Variants in NR5A2 observed in about 807,000 individuals in gnomAD.
NR5A2 encodes CYP7A promoter-binding factor.
Under a neutral mutation model 62.7 loss-of-function variants are expected in NR5A2, and 26 were observed. The observed-to-expected ratio is 0.41, with a 90% CI of 0.30 to 0.58. The LOEUF (loss-of-function observed/expected upper bound fraction) is 0.58. Among genes scored for constraint, NR5A2 ranks in the 20% least tolerant of loss-of-function variants. The probability of loss-of-function intolerance (pLI) is 0.22; values close to 1 mark genes in which losing one functional copy is unlikely to be tolerated. For missense variants in NR5A2, 541 were observed against 669.1 expected (o/e 0.81, Z 2.11); for synonymous variants, 246 against 241.7 (o/e 1.02, Z -0.16).
chr1:200,135,414 G>A (rs562448414), intron 7 of NR5A2, among the ~76,000 whole-genome samples: 2 of 151,982 alleles, frequency 1.3e-5, no homozygotes, highest in African/African-American at 2.4e-5. Context: ...CCAACTACCC[G>A]GGAGGCTGAG....
chr1:200,117,872 C>A (rs1431499109), intron 6 of NR5A2, among the ~76,000 whole-genome samples: 1 of 151,908 alleles, frequency 6.6e-6, no homozygotes, highest in Non-Finnish European at 1.5e-5. Context: ...TGCCACCACG[C>A]CTGGCTAATT....
chr1:200,069,795 C>T (rs1214285074), intron 5 of NR5A2, among the ~76,000 whole-genome samples: 2 of 151,880 alleles, frequency 1.3e-5, no homozygotes, highest in African/African-American at 4.8e-5. Flanking sequence ...CCCTTCATGC[C>T]AAAGTAAAAA....
At chr1:200,036,952 T>C (rs985807081) in intron 1 of NR5A2, among the ~76,000 whole-genome samples, 3 of 152,150 alleles carry the variant, frequency 2.0e-5, no homozygotes, top group Admixed American at 6.5e-5. Context: ...TAAAACCCAG[T>C]CCCCAGCCAC....
intron 5 of NR5A2, among the ~76,000 whole-genome samples, chr1:200,060,173 T>G (rs1305515586): frequency 6.6e-6 from 1 of 152,182 alleles, no homozygotes; most frequent in Non-Finnish European, 1.5e-5. Context: ...AATTCGCTTT[T>G]TCTTTTCTTA....
intron 5 of NR5A2, among the ~76,000 whole-genome samples, chr1:200,085,674 AAAAG>A (rs1333774783): frequency 8.4e-5 from 9 of 107,290 alleles, no homozygotes; most frequent in East Asian, 5.1e-4. Context: ...AAAAAAAAAA[AAAAG>A]AAAAGAAAGA....
chr1:200,080,706 A>G (rs1202162948), intron 5 of NR5A2, among the ~76,000 whole-genome samples: 1 of 152,250 alleles, frequency 6.6e-6, no homozygotes, highest in African/African-American at 2.4e-5. Flanking sequence ...CACCTGGAGA[A>G]ACTTTCCATT....
chr1:200,128,744 A>G (rs1666839783), intron 7 of NR5A2, among the ~76,000 whole-genome samples: 1 of 152,154 alleles, frequency 6.6e-6, no homozygotes, highest in African/African-American at 2.4e-5. Flanking sequence ...GTAAGTTTGT[A>G]CATTCTGTTT....
At chr1:200,043,081 C>G (rs979881204) in intron 2 of NR5A2, 1 of 809,440 alleles carries the variant, frequency 1.2e-6, no homozygotes, top group Non-Finnish European at 1.5e-6. Flanking sequence ...TTTCCCCGTA[C>G]GGGCGTCCTC....
chr1:200,056,934 C>A (rs1662940671), intron 5 of NR5A2, among the ~76,000 whole-genome samples: 1 of 152,190 alleles, frequency 6.6e-6, no homozygotes, highest in African/African-American at 2.4e-5. Flanking sequence ...CTGACTGCCT[C>A]ATTCTGTGTC....
intron 7 of NR5A2, among the ~76,000 whole-genome samples, chr1:200,161,032 T>C (rs962005555): frequency 5.9e-5 from 9 of 151,944 alleles, no homozygotes; most frequent in African/African-American, 1.7e-4. Flanking sequence ...GGCTGCTCTT[T>C]ACGAATGTGG....
intron 7 of NR5A2, among the ~76,000 whole-genome samples, chr1:200,138,169 A>C (rs1667306886): frequency 6.6e-6 from 1 of 152,198 alleles, no homozygotes; most frequent in South Asian, 2.1e-4. Context: ...ATGTTAAAAG[A>C]ACATTTTTCT....
Position 200,133,588 on chromosome 1 carries a change from CATATATAT to C in NR5A2, c.1378+12639_1378+12646del, listed in dbSNP as rs199503955. 2.5e-3 allele frequency among the ~76,000 whole-genome samples: 311 copies of C among 123,640 alleles called. 1 individual carries two copies. The highest frequency in any genetic ancestry group is 9.2e-3 in the African/African-American group (302 of 32,768). The allele number at this position is 123,640 out of a possible 152,430, so 81.1% of individuals were successfully genotyped here. Reference sequence around the variant, plus strand: ...ATATATATATACACATATATATACACATATATATATATACACATATATACACACACACA... The same window carrying C: ...ATATATATATACACATATATATACACATATACACATATATACACACACACA... On this transcript the variant is annotated intron_variant, in intron 7 of 7. Coordinates refer to ENST00000367362, the MANE Select transcript of NR5A2 (RefSeq NM_205860.3).
At chr1:200,104,061 C>T (rs1238664138) in intron 5 of NR5A2, among the ~76,000 whole-genome samples, 1 of 152,080 alleles carries the variant, frequency 6.6e-6, no homozygotes, top group Non-Finnish European at 1.5e-5. Context: ...GTCCTTTGTG[C>T]TGCATTGGAG....
rs149148173 is a variant in NR5A2 at position 200,039,541 on chromosome 1, G to A, written c.65-117G>A. The A allele has an allele frequency of 4.1e-6, 6 of 1,476,062 alleles. No homozygotes were observed. Among genetic ancestry groups the A allele is most frequent in the Non-Finnish European group, 5.6e-6 (6 of 1,077,760 alleles). The allele number at this position is 1,476,062 out of a possible 1,614,324, so 91.4% of individuals were successfully genotyped here. ...CGGACAGGGCTCAGAGGTCCTGCCC[G>A]GCAGCCCCGAGGAGGCGGAGGCACG... On this transcript the variant is annotated intron_variant, in intron 1 of 7. Coordinates refer to ENST00000367362, the MANE Select transcript of NR5A2 (RefSeq NM_205860.3). This position sits in a 1 kb window ranked among gnomAD's most constrained non-coding sequence, Gnocchi z 5.1.
chr1:200,146,949 T>C (rs1358737682), intron 7 of NR5A2, among the ~76,000 whole-genome samples: 1 of 136,450 alleles, frequency 7.3e-6, no homozygotes, highest in Non-Finnish European at 1.6e-5. Context: ...TATGTATCCT[T>C]ATCCTTGTAT....
chr1:200,113,232 T>G (rs2821329), intron 6 of NR5A2, among the ~76,000 whole-genome samples: 2 of 151,592 alleles, frequency 1.3e-5, no homozygotes, highest in African/African-American at 4.9e-5. Context: ...CCCTCCCCAC[T>G]CTTTAAATAT....
intron 7 of NR5A2, among the ~76,000 whole-genome samples, chr1:200,159,746 G>A (rs1366371943): frequency 6.6e-6 from 1 of 151,906 alleles, no homozygotes; most frequent in Non-Finnish European, 1.5e-5. Context: ...CCACCTCCCA[G>A]GTTTAAGTGA....
At chr1:200,034,585 T>G (rs1558093812) in intron 1 of NR5A2, among the ~76,000 whole-genome samples, 2 of 62,372 alleles carry the variant, frequency 3.2e-5, no homozygotes, top group African/African-American at 7.2e-5. Flanking sequence ...GGGGCAAGGG[T>G]GGGAGGTTGC....
Position 200,048,598 on chromosome 1 carries a change from C to A in NR5A2, c.890C>A (p.Ser297Tyr). ...TATATGGATAGTTACCAGACGAGCT[C>A]TCCAGCAAGCATCCCACATCTGATA... ...YSYMDSYQTS[S>Y]PASIPHLILE... The change falls in exon 5 of 8, where the codon TCT (serine) becomes TAT (tyrosine). Residue 297 changes from serine to tyrosine, a missense_variant. This residue lies in a region of NR5A2 where 379 missense variants were observed against 442.0 expected (regional missense o/e 0.86). Transcript: ENST00000367362. This position sits in a 1 kb window ranked among gnomAD's most constrained non-coding sequence, Gnocchi z 4.8. 6.2e-7 allele frequency: 1 copy of A among 1,614,212 alleles called. No homozygotes were observed. The highest frequency in any genetic ancestry group is 8.5e-7 in the Non-Finnish European group (1 of 1,180,034).
Sources: gnomAD v4.1 joint callset for allele counts (sites outside exome capture counted in the v4.1 genomes callset) on GRCh38, gnomAD v4.1.1 for gene constraint, gnomAD v4.1.1 regional missense constraint, Gnocchi (gnomAD v3.1) non-coding constraint, MANE v1.5 for transcripts, NCBI Gene and HGNC (gene_info 2026-07-23, HGNC 2026-07-21) for gene names.